Variants in ANKRD28 observed in about 807,000 individuals in gnomAD.
The protein encoded by ANKRD28 is serine/threonine-protein phosphatase 6 regulatory ankyrin repeat subunit A.
In ANKRD28, 44 loss-of-function variants were observed where a neutral mutation model predicts 126.5. The observed-to-expected ratio is 0.35, with a 90% CI of 0.27 to 0.45. The LOEUF is 0.45. Among genes scored for constraint, ANKRD28 ranks in the 20% least tolerant of loss-of-function variants. The pLI, the probability that ANKRD28 is intolerant of heterozygous loss-of-function variation, is 1.00. For synonymous variants in ANKRD28, 442 were observed against 468.5 expected (o/e 0.94, Z 0.73); for missense variants, 1,110 against 1,316.6 (o/e 0.84, Z 2.43).
chr3:15,667,359 GT>G lies in ANKRD28; in HGVS notation c.*2910del, dbSNP rs2125550483. ...TGGCATTGTTTGAGATGAGTGTCTT[GT>G]TAAAGGAGGTCATTTGCTATTACCA... On this transcript the variant is annotated 3_prime_UTR_variant, in exon 28 of 28. Coordinates refer to ENST00000683139, the MANE Select transcript of ANKRD28 (RefSeq NM_001349278.2). 1.3e-5 allele frequency: 2 copies of G among 152,302 alleles called. No homozygotes were observed. Among genetic ancestry groups the G allele is most frequent in the African/African-American group, 4.8e-5 (2 of 41,556 alleles). 9.4% of individuals were successfully genotyped at this position (152,302 alleles called of 1,614,324 possible).
chr3:15,799,114 T>C (rs1292411886), upstream of ANKRD28, among the ~76,000 whole-genome samples: 4 of 152,110 alleles, frequency 2.6e-5, no homozygotes, highest in African/African-American at 9.6e-5. Context: ...TACACACACA[T>C]ACAGACACAC....
chr3:15,808,546 C>T (rs1426255803), intron 1 of ANKRD28, among the ~76,000 whole-genome samples: 1 of 152,226 alleles, frequency 6.6e-6, no homozygotes, highest in Non-Finnish European at 1.5e-5. Context: ...GTACTTCTTA[C>T]ATCTCAGGCA....
At chr3:15,692,588 A>G (rs2068952848) in intron 17 of ANKRD28, among the ~76,000 whole-genome samples, 1 of 152,236 alleles carries the variant, frequency 6.6e-6, no homozygotes, top group South Asian at 2.1e-4. Context: ...GTCCAGTATG[A>G]CTAAAATTAG....
rs1255684387 is a variant in ANKRD28 at position 15,815,800 on chromosome 3, A to G, written c.28-20494T>C. 6.6e-6 allele frequency among the ~76,000 whole-genome samples: 1 copy of G among 152,226 alleles called. No individual in the cohort carries two copies. Among genetic ancestry groups the G allele is most frequent in the African/African-American group, 2.4e-5 (1 of 41,452 alleles). On this transcript the variant is annotated intron_variant, in intron 1 of 27. Transcript: ENST00000399451. The surrounding 1 kb of genome is among the most constrained non-coding windows in gnomAD (Gnocchi z 4.1). ...TCCCTTGTCAAAATTATTTATGAAC[A>G]AATCAACCTCATCAGAAAATATTAA...
intron 6 of ANKRD28, among the ~76,000 whole-genome samples, chr3:15,731,194 C>T (rs766243075): frequency 3.9e-5 from 6 of 152,296 alleles, no homozygotes; most frequent in South Asian, 2.1e-4. Flanking sequence ...TGACACTTAG[C>T]GGGTGAGAAA....
intron 2 of ANKRD28, among the ~76,000 whole-genome samples, chr3:15,777,091 T>G (rs895032865): frequency 6.6e-6 from 1 of 151,976 alleles, no homozygotes; most frequent in African/African-American, 2.4e-5. Context: ...CTGGTTAACG[T>G]GGTGAAACCC....
At chr3:15,835,696 G>A (rs1423619534) in intron 1 of ANKRD28, among the ~76,000 whole-genome samples, 3 of 152,190 alleles carry the variant, frequency 2.0e-5, no homozygotes, top group East Asian at 3.9e-4. Flanking sequence ...CCATCCCTTC[G>A]CAATCCTTAG....
chr3:15,850,840 T>C (rs2061636986), intron 1 of ANKRD28, among the ~76,000 whole-genome samples: 1 of 152,214 alleles, frequency 6.6e-6, no homozygotes, highest in Admixed American at 6.5e-5. Flanking sequence ...TCATGGGAAC[T>C]CCAATTTATA....
intron 2 of ANKRD28, among the ~76,000 whole-genome samples, chr3:15,783,923 T>C (rs1480770253): frequency 6.6e-6 from 1 of 151,830 alleles, no homozygotes; most frequent in African/African-American, 2.4e-5. Flanking sequence ...ACTCTGAAAG[T>C]AGCCAGAGGA....
chr3:15,708,782 C>A (rs1427644461), intron 13 of ANKRD28, among the ~76,000 whole-genome samples: 1 of 151,954 alleles, frequency 6.6e-6, no homozygotes, highest in Non-Finnish European at 1.5e-5. Context: ...TTTTTATTTT[C>A]TTCTATTCAT....
intron 3 of ANKRD28, among the ~76,000 whole-genome samples, chr3:15,754,379 T>C (rs1341727052): frequency 2.6e-5 from 4 of 152,140 alleles, no homozygotes; most frequent in Non-Finnish European, 5.9e-5. Flanking sequence ...CAAGTAACCC[T>C]TACGTTACTT....
rs924549039 is a variant in ANKRD28 at position 15,709,828 on chromosome 3, T to C, written c.1338-92A>G. 1.1e-5 allele frequency: 8 copies of C among 750,086 alleles called. No homozygotes were observed. In the Admixed American group the frequency reaches 2.2e-4, roughly 21 times the overall value. The allele number at this position is 750,086 out of a possible 1,614,324, so 46.5% of individuals were successfully genotyped here. A position where few individuals can be genotyped will look rare whatever the true frequency, so the allele number is the denominator to read the frequency against. ...AAAGAAGCATGAAAGCATGTTTTTA[T>C]ATGAAGATAAATGTGACAAAAATGA... On this transcript the variant is annotated intron_variant, in intron 12 of 27. Coordinates refer to ENST00000683139, the MANE Select transcript of ANKRD28 (RefSeq NM_001349278.2).
chr3:15,763,297 A>G (rs1413495585), intron 3 of ANKRD28, among the ~76,000 whole-genome samples: 1 of 152,022 alleles, frequency 6.6e-6, no homozygotes, highest in African/African-American at 2.4e-5. Flanking sequence ...ACCCATCCCC[A>G]CCTCTCCCAT....
intron 24 of ANKRD28, 29 bp from the exon 25 acceptor site, chr3:15,677,591 T>C (rs754747062): frequency 1.1e-5 from 16 of 1,516,160 alleles, no homozygotes; most frequent in South Asian, 3.4e-5. Flanking sequence ...TCAATTCTTA[T>C]GTTTATGAAC....
At chr3:15,713,912 TAAAAC>T (rs541113345) in intron 9 of ANKRD28, among the ~76,000 whole-genome samples, 79 of 152,284 alleles carry the variant, frequency 5.2e-4, no homozygotes, top group African/African-American at 1.4e-3. Flanking sequence ...ACTACTGTAT[TAAAAC>T]AAAATTAAAC....
intron 2 of ANKRD28, among the ~76,000 whole-genome samples, chr3:15,766,683 A>G (rs2058755124): frequency 6.6e-6 from 1 of 152,096 alleles, no homozygotes; most frequent in African/African-American, 2.4e-5. Flanking sequence ...ATTAAAAACA[A>G]AAAAAAACAA....
intron 21 of ANKRD28, among the ~76,000 whole-genome samples, chr3:15,680,655 A>AT (rs1361828081): frequency 2.0e-5 from 3 of 150,678 alleles, no homozygotes; most frequent in Non-Finnish European, 3.0e-5. Flanking sequence ...ACATTCTGGT[A>AT]TTTTTTTATT....
chr3:15,693,288 A>C (rs2069043304), intron 17 of ANKRD28, among the ~76,000 whole-genome samples: 1 of 152,124 alleles, frequency 6.6e-6, no homozygotes, highest in African/African-American at 2.4e-5. Context: ...CACCATATAC[A>C]CATACAAAAT....
intron 12 of ANKRD28, among the ~76,000 whole-genome samples, chr3:15,710,036 GTT>G (rs34686530): frequency 2.0e-5 from 3 of 146,364 alleles, no homozygotes; most frequent in African/African-American, 7.5e-5. Context: ...TTGCTTATAG[GTT>G]TTTTTTTTTT....
Sources: allele counts gnomAD v4.1 joint callset (sites outside exome capture counted in the v4.1 genomes callset), GRCh38; gene constraint gnomAD v4.1.1; non-coding constraint Gnocchi (gnomAD v3.1); transcripts MANE v1.5; gene names NCBI Gene and HGNC (gene_info 2026-07-23, HGNC 2026-07-21).